Variants in EYS observed in about 807,000 individuals in gnomAD.
EYS encodes the protein protein eyes shut homolog.
In EYS, 250 loss-of-function variants were observed where a neutral mutation model predicts 282.1. The observed-to-expected ratio is 0.89, with a 90% confidence interval of 0.80 to 0.98. EYS has a LOEUF of 0.98. Among genes scored for constraint, EYS ranks in the 50% least tolerant of loss-of-function variants. EYS has a pLI of 0.00. For missense variants in EYS, 4,016 were observed against 3,709.0 expected (o/e 1.08, Z -2.15); for synonymous variants, 1,355 against 1,282.9 (o/e 1.06, Z -1.20).
intron 14 of EYS, among the ~76,000 whole-genome samples, chr6:64,993,294 A>T (rs962158005): frequency 6.6e-6 from 1 of 151,852 alleles, no homozygotes; most frequent in Non-Finnish European, 1.5e-5. Context: ...ATACGTGTGC[A>T]TGTGTCTTTA....
intron 8 of EYS, among the ~76,000 whole-genome samples, chr6:65,369,430 A>C (rs180977668): frequency 6.6e-6 from 1 of 150,462 alleles, no homozygotes; most frequent in African/African-American, 2.4e-5. Context: ...AATTATGTGC[A>C]TCTAACTGTC....
At chr6:65,391,712 G>A (rs1424867164) in intron 7 of EYS, among the ~76,000 whole-genome samples, 1 of 152,080 alleles carries the variant, frequency 6.6e-6, no homozygotes, top group Non-Finnish European at 1.5e-5. Flanking sequence ...TCATGGGTAG[G>A]AAGAATCAAT....
At chr6:64,275,952 G>C (rs1400897270) in intron 30 of EYS, among the ~76,000 whole-genome samples, 1 of 149,922 alleles carries the variant, frequency 6.7e-6, no homozygotes, top group Non-Finnish European at 1.5e-5. Flanking sequence ...ATGACAGAGC[G>C]AGACTCCATC....
At chr6:65,447,595 G>A (rs1017713598) in intron 5 of EYS, among the ~76,000 whole-genome samples, 3 of 150,676 alleles carry the variant, frequency 2.0e-5, no homozygotes, top group Admixed American at 1.3e-4. Context: ...GACATTAATT[G>A]GGCACTTAAT....
chr6:64,825,218 A>G (rs1765014881), intron 19 of EYS, among the ~76,000 whole-genome samples: 1 of 151,920 alleles, frequency 6.6e-6, no homozygotes, highest in African/African-American at 2.4e-5. Context: ...CACTATCTCA[A>G]TGAGGACTAT....
At chr6:64,295,135 G>A (rs918250806) in intron 30 of EYS, among the ~76,000 whole-genome samples, 6 of 151,174 alleles carry the variant, frequency 4.0e-5, no homozygotes, top group African/African-American at 1.5e-4. Flanking sequence ...AGCACTTTAG[G>A]AGGCCGAAGC....
intron 35 of EYS, among the ~76,000 whole-genome samples, chr6:63,949,257 A>G (rs1304579640): frequency 1.3e-5 from 2 of 152,180 alleles, no homozygotes. Context: ...TTTTAAACTC[A>G]TTAGTCCAGC....
At chr6:64,220,918 C>T (rs904532336) in intron 31 of EYS, among the ~76,000 whole-genome samples, 1 of 152,016 alleles carries the variant, frequency 6.6e-6, no homozygotes, top group Non-Finnish European at 1.5e-5. Context: ...TCTTGAATTA[C>T]GGGGATAGGA....
chr6:64,216,041 T>G (rs756102950), intron 31 of EYS, among the ~76,000 whole-genome samples: 7 of 152,172 alleles, frequency 4.6e-5, no homozygotes, highest in Non-Finnish European at 1.0e-4. Context: ...ATAATTAGAT[T>G]CTAGGTTTGG....
chr6:64,245,963 G>T (rs1766999877), intron 30 of EYS, among the ~76,000 whole-genome samples: 1 of 139,402 alleles, frequency 7.2e-6, no homozygotes, highest in African/African-American at 2.7e-5. Flanking sequence ...AGCTTGCAGT[G>T]AGTCGAGATC....
intron 26 of EYS, among the ~76,000 whole-genome samples, chr6:64,506,342 T>TA (rs911010850): frequency 9.9e-5 from 15 of 152,024 alleles, no homozygotes; most frequent in Non-Finnish European, 1.5e-4. Context: ...AAGTTAAATT[T>TA]AAAAAAAAGT....
intron 5 of EYS, among the ~76,000 whole-genome samples, chr6:65,448,094 T>C (rs1768744106): frequency 6.6e-6 from 1 of 152,010 alleles, no homozygotes; most frequent in Non-Finnish European, 1.5e-5. Flanking sequence ...ACAAATTATT[T>C]GAGGGAAGTT....
chr6:64,552,467 T>C (rs916577104), intron 26 of EYS, among the ~76,000 whole-genome samples: 2 of 152,028 alleles, frequency 1.3e-5, no homozygotes, highest in African/African-American at 4.8e-5. Flanking sequence ...ACAAGAAACA[T>C]TTACAATGTC....
At chr6:64,508,863 T>G (rs1307094215) in intron 26 of EYS, among the ~76,000 whole-genome samples, 1 of 151,978 alleles carries the variant, frequency 6.6e-6, no homozygotes, top group Non-Finnish European at 1.5e-5. Flanking sequence ...GGAGCTAATT[T>G]CCTTACTGTA....
intron 24 of EYS, among the ~76,000 whole-genome samples, chr6:64,608,592 A>T (rs1372709917): frequency 6.6e-6 from 1 of 152,116 alleles, no homozygotes; most frequent in Non-Finnish European, 1.5e-5. Flanking sequence ...AAACATGTTC[A>T]CACAAAAAAC....
chr6:65,693,641 A>C (rs1437555209), intron 1 of EYS, among the ~76,000 whole-genome samples: 1 of 150,064 alleles, frequency 6.7e-6, no homozygotes, highest in Non-Finnish European at 1.5e-5. Flanking sequence ...AAATTATAGA[A>C]TTTCAAGTAT....
intron 26 of EYS, among the ~76,000 whole-genome samples, chr6:64,574,373 A>G (rs1360585341): frequency 5.3e-5 from 8 of 152,216 alleles, no homozygotes; most frequent in Non-Finnish European, 7.3e-5. Context: ...TTGTATACCT[A>G]TGTAATAAAA....
intron 22 of EYS, among the ~76,000 whole-genome samples, chr6:64,728,338 AT>A (rs773776385): frequency 2.6e-5 from 4 of 151,754 alleles, no homozygotes. Flanking sequence ...CTTTTTATTT[AT>A]TTTTTATTTT....
At chr6:64,126,488 A>G (rs1382905671) in intron 31 of EYS, among the ~76,000 whole-genome samples, 1 of 152,050 alleles carries the variant, frequency 6.6e-6, no homozygotes, top group Admixed American at 6.6e-5. Flanking sequence ...TCTGGCCTGT[A>G]GAAATGATCA....
Sources: allele counts gnomAD v4.1 joint callset (sites outside exome capture counted in the v4.1 genomes callset), GRCh38; gene constraint gnomAD v4.1.1; transcripts MANE v1.5; gene names NCBI Gene and HGNC (gene_info 2026-07-23, HGNC 2026-07-21).